SPATA16: variants seen among roughly 807,000 people sequenced by gnomAD.
SPATA16 encodes the protein spermatogenesis-associated protein 16.
SPATA16 carries 36 observed loss-of-function variants against 63.3 expected under a neutral mutation model. The ratio of observed to expected loss-of-function variants is 0.57; its 90% CI spans 0.44 to 0.75. The LOEUF is 0.75. Ranked by LOEUF, SPATA16 falls within the 30% of genes least tolerant of loss-of-function variation. The pLI is 0.00. For missense variants in SPATA16, 646 were observed against 679.3 expected, an observed-to-expected ratio of 0.95 and a Z score of 0.54; for synonymous variants, 203 against 216.7, an observed-to-expected ratio of 0.94 and a Z score of 0.56.
chr3:173,018,304 C>T (rs1406675861), intron 4 of SPATA16, among the ~76,000 whole-genome samples: 4 of 140,230 alleles, frequency 2.9e-5, no homozygotes, highest in East Asian at 2.1e-4. Context: ...GATGGAGTTT[C>T]GCTCTCGTTG....
intron 3 of SPATA16, among the ~76,000 whole-genome samples, chr3:173,029,406 G>GTT (rs57233262): frequency 0.16 from 21,545 of 138,540 alleles, 1,821 homozygotes; most frequent in African/African-American, 0.2. Context: ...AGTAATCAGA[G>GTT]TTTTTTTTTT....
At chr3:173,043,022 A>T (rs1309805076) in intron 3 of SPATA16, among the ~76,000 whole-genome samples, 1 of 152,074 alleles carries the variant, frequency 6.6e-6, no homozygotes, top group Non-Finnish European at 1.5e-5. Flanking sequence ...TTTATTGTAT[A>T]GTGTATCATT....
At chr3:172,955,228 T>C (rs1733541058) in intron 6 of SPATA16, among the ~76,000 whole-genome samples, 1 of 152,206 alleles carries the variant, frequency 6.6e-6, no homozygotes, top group African/African-American at 2.4e-5. Flanking sequence ...CTAAACTTAT[T>C]CTACCAGAAG....
At chr3:173,027,605 T>C (rs1417777582) in intron 3 of SPATA16, among the ~76,000 whole-genome samples, 1 of 151,856 alleles carries the variant, frequency 6.6e-6, no homozygotes, top group Non-Finnish European at 1.5e-5. Flanking sequence ...ATTCTGGGAC[T>C]CTTCCTTATA....
chr3:173,057,205 G>A (rs542724236), intron 2 of SPATA16, among the ~76,000 whole-genome samples: 2 of 150,644 alleles, frequency 1.3e-5, no homozygotes, highest in East Asian at 2.0e-4. Flanking sequence ...TCCGCCTCCC[G>A]GATTCACGCC....
chr3:172,959,380 A>G (rs1414987437), intron 5 of SPATA16, among the ~76,000 whole-genome samples: 1 of 152,198 alleles, frequency 6.6e-6, no homozygotes, highest in Admixed American at 6.5e-5. Flanking sequence ...TGCTCAAGGC[A>G]TTGCCTTCAG....
At chr3:172,923,482 AAG>A (rs952991353) in intron 8 of SPATA16, among the ~76,000 whole-genome samples, 3 of 152,186 alleles carry the variant, frequency 2.0e-5, no homozygotes, top group Non-Finnish European at 4.4e-5. Context: ...TGTAACACAA[AAG>A]AGGGAACAGG....
intron 10 of SPATA16, among the ~76,000 whole-genome samples, chr3:172,901,072 A>G (rs547839881): frequency 2.0e-4 from 31 of 152,052 alleles, no homozygotes; most frequent in African/African-American, 6.8e-4. Flanking sequence ...TAAAATTTCT[A>G]TTTAGTTTTT....
intron 2 of SPATA16, among the ~76,000 whole-genome samples, chr3:173,104,318 T>A (rs1343988093): frequency 6.6e-6 from 1 of 152,226 alleles, no homozygotes; most frequent in Non-Finnish European, 1.5e-5. Flanking sequence ...ATTTTAGTTA[T>A]CTTTATAGCA....
At chr3:172,914,888 A>T (rs534971623) in intron 9 of SPATA16, among the ~76,000 whole-genome samples, 19 of 152,200 alleles carry the variant, frequency 1.2e-4, no homozygotes, top group African/African-American at 4.6e-4. Context: ...CCAGTAAAAA[A>T]AAAAATATAG....
At position 173,109,152 on chromosome 3, in the gene SPATA16, G is replaced by A. The variant is rs147498977; in HGVS notation, c.612+7968C>T. On this transcript the variant is annotated intron_variant, in intron 2 of 10. Coordinates refer to ENST00000351008, the MANE Select transcript of SPATA16 (RefSeq NM_031955.6). ...TACTCTACTACCATCTAAGTAATGG[G>A]AAAACTCTGTTCTCCCCGAGATGGT... Among the ~76,000 whole-genome samples the A allele has an allele frequency of 3.2e-3, 492 of 152,010 alleles. 8 individuals carry two copies. Among genetic ancestry groups the A allele is most frequent in the African/African-American group, 0.011 (467 of 41,436 alleles).
rs554312531 is a variant in SPATA16, at chr3:173,077,179, T to C, written c.613-28085A>G. On this transcript the variant is annotated intron_variant, in intron 2 of 10. Coordinates refer to ENST00000351008, the MANE Select transcript of SPATA16 (RefSeq NM_031955.6). ...AAGAAACAAAAAATAATTCTTCTAATTTAAAATTCAGTGCTTTTCTGTATC... is the reference window on the plus strand; with the variant it reads ...AAGAAACAAAAAATAATTCTTCTAACTTAAAATTCAGTGCTTTTCTGTATC... 3.9e-4 allele frequency among the ~76,000 whole-genome samples: 59 copies of C among 152,306 alleles called. 1 individual carries two copies. The South Asian group carries it at 0.012, about 32-fold the overall frequency.
chr3:172,971,250 T>A (rs1734040777), intron 5 of SPATA16, among the ~76,000 whole-genome samples: 1 of 152,194 alleles, frequency 6.6e-6, no homozygotes. Context: ...CAAAAGTTGT[T>A]TACAATTGTG....
chr3:172,971,126 C>G (rs1577112538), intron 5 of SPATA16, among the ~76,000 whole-genome samples: 1 of 152,128 alleles, frequency 6.6e-6, no homozygotes, highest in East Asian at 1.9e-4. Flanking sequence ...AGGCTAAGAA[C>G]TTGGAACTTC....
rs530646817 is a variant in SPATA16 at position 172,928,784 on chromosome 3, C to T, written c.1082-3292G>A. Among the ~76,000 whole-genome samples, 11 of 152,146 alleles carry T rather than the reference C, an allele frequency of 7.2e-5. No homozygotes were observed. In the South Asian group the frequency reaches 1.9e-3, roughly 26 times the overall value. On this transcript the variant is annotated intron_variant, in intron 6 of 10. Transcript: ENST00000351008. ...GAGTATTTGACCCATTATTAACTTC[C>T]AGTTGAAGTTTTAAAATGTAGGAGG...
intron 5 of SPATA16, among the ~76,000 whole-genome samples, chr3:172,969,906 A>AGG (rs1456656404): frequency 6.6e-6 from 1 of 152,214 alleles, no homozygotes; most frequent in Non-Finnish European, 1.5e-5. Flanking sequence ...TTGCCATAAA[A>AGG]AGAACTTGCA....
At chr3:172,921,808 T>A (rs958250138) in intron 8 of SPATA16, among the ~76,000 whole-genome samples, 6 of 152,220 alleles carry the variant, frequency 3.9e-5, no homozygotes, top group Non-Finnish European at 7.3e-5. Context: ...CTGGCAGTTA[T>A]CAGCCTATTT....
At chr3:172,985,430 G>T (rs1398095961) in intron 4 of SPATA16, among the ~76,000 whole-genome samples, 1 of 152,180 alleles carries the variant, frequency 6.6e-6, no homozygotes, top group Non-Finnish European at 1.5e-5. Flanking sequence ...ACATGCAGAA[G>T]TATGAAGACA....
rs574152994 is a variant in SPATA16, at chr3:173,049,644, T to C, written c.613-550A>G. On this transcript the variant is annotated intron_variant, in intron 2 of 10. Coordinates refer to ENST00000351008, the MANE Select transcript of SPATA16 (RefSeq NM_031955.6). ...GTCTGAATCATATTCTCTAGTATGT[T>C]ATTGAAAGAAAAGAAGTGAAAATTT... Among the ~76,000 whole-genome samples the C allele has an allele frequency of 4.6e-5, 7 of 152,232 alleles. No homozygotes were observed. The South Asian group carries it at 6.2e-4, about 14-fold the overall frequency.
Sources: gnomAD v4.1 joint callset for allele counts (sites outside exome capture counted in the v4.1 genomes callset) on GRCh38, gnomAD v4.1.1 for gene constraint, MANE v1.5 for transcripts, NCBI Gene and HGNC (gene_info 2026-07-23, HGNC 2026-07-21) for gene names.